The following ZBTB24 variants were observed in gnomAD, a reference collection of about 807,000 sequenced individuals.
The protein encoded by ZBTB24 is zinc finger and BTB domain-containing protein 24.
Under a neutral mutation model 53.8 loss-of-function variants are expected in ZBTB24, and 32 were observed. That is an observed-to-expected ratio of 0.60 (90% CI 0.45 to 0.80). ZBTB24 has a LOEUF of 0.80. Among genes scored for constraint, ZBTB24 ranks in the 30% least tolerant of loss-of-function variants. The pLI is 0.00. For synonymous variants in ZBTB24, 297 were observed against 306.7 expected (o/e 0.97, Z 0.33); for missense variants, 722 against 837.1 (o/e 0.86, Z 1.70).
At chr6:109,482,489 T>G (rs1412491212) in intron 1 of ZBTB24, among the ~76,000 whole-genome samples, 1 of 141,598 alleles carries the variant, frequency 7.1e-6, no homozygotes, top group South Asian at 2.4e-4. Flanking sequence ...CAAAACAACT[T>G]AGCTCGCGGT....
rs1776010683 is a variant in ZBTB24, at chr6:109,465,464, T to A, written c.*387A>T. The A allele has an allele frequency of 4.9e-6, 3 of 611,856 alleles. No individual in the cohort carries two copies. The highest frequency in any genetic ancestry group is 8.5e-6 in the Non-Finnish European group (3 of 353,664). The allele number at this position is 611,856 out of a possible 1,614,324, so 37.9% of individuals were successfully genotyped here. The stretch of plus-strand genomic sequence containing the variant: ...ACCATTCTGCCCAGTTCAACCAAAA[T>A]GACTCCCTTTGTCCTAGAAAACAAA... On this transcript the variant is annotated 3_prime_UTR_variant, in exon 7 of 7. Transcript: ENST00000230122.
chr6:109,466,748 T>G (rs1776052975), intron 6 of ZBTB24, among the ~76,000 whole-genome samples, 174 bp from the exon 7 acceptor site: 1 of 152,192 alleles, frequency 6.6e-6, no homozygotes, highest in African/African-American at 2.4e-5. Flanking sequence ...CATGGGCAGT[T>G]TTTAATCTGA....
chr6:109,479,667 A>T (rs1776356110), intron 2 of ZBTB24, among the ~76,000 whole-genome samples: 1 of 152,234 alleles, frequency 6.6e-6, no homozygotes, highest in Non-Finnish European at 1.5e-5. Context: ...CTGTAATCCC[A>T]GCACTTTGGG....
Position 109,462,793 on chromosome 6 carries a change from G to A in ZBTB24, c.*3058C>T, listed in dbSNP as rs900932858. 2.6e-5 allele frequency: 4 copies of A among 152,158 alleles called. No homozygotes were observed. Among genetic ancestry groups the A allele is most frequent in the African/African-American group, 7.2e-5 (3 of 41,432 alleles). The allele number at this position is 152,158 out of a possible 1,614,324, so 9.4% of individuals were successfully genotyped here. On this transcript the variant is annotated 3_prime_UTR_variant, in exon 7 of 7. Transcript: ENST00000230122. ...AAAACCAAAGATTCACCTTCAAAAC[G>A]AGGTGTTTCAGGAGCCCCAAAGCAT...
At chr6:109,482,353 C>T (rs1455854833) in intron 1 of ZBTB24, among the ~76,000 whole-genome samples, 1 of 152,064 alleles carries the variant, frequency 6.6e-6, no homozygotes, top group African/African-American at 2.4e-5. Context: ...GTGGTCCCAG[C>T]TACTCAGGAG....
intron 1 of ZBTB24, 65 bp downstream of exon 1, chr6:109,483,033 G>C (rs1448032101): frequency 6.6e-6 from 1 of 152,180 alleles, no homozygotes; most frequent in African/African-American, 2.4e-5. Flanking sequence ...CGGCGGGGGA[G>C]GGGTCGGCGC....
At chr6:109,478,002 C>A (rs1776315890) in intron 2 of ZBTB24, among the ~76,000 whole-genome samples, 1 of 152,142 alleles carries the variant, frequency 6.6e-6, no homozygotes, top group Admixed American at 6.5e-5. Context: ...AAAGCCAGTG[C>A]CCTTAAACAA....
In ZBTB24 at chr6:109,464,070, T is replaced by C. The variant is rs1244992550; in HGVS notation, c.*1781A>G. On this transcript the variant is annotated 3_prime_UTR_variant, in exon 7 of 7. Transcript: ENST00000230122. ...ATGTGGATTGGTGGGCTTTGAAAAG[T>C]TGGTAAAAACTTTGTGTTTTAAGAA... 6.6e-6 allele frequency: 1 copy of C among 152,176 alleles called. No individual in the cohort carries two copies. Among genetic ancestry groups the C allele is most frequent in the Admixed American group, 6.5e-5 (1 of 15,278 alleles). The allele number at this position is 152,176 out of a possible 1,614,324, so 9.4% of individuals were successfully genotyped here.
rs147284564 is a variant in ZBTB24 at position 109,478,902 on chromosome 6, T to C, written c.953-1972A>G. Among the ~76,000 whole-genome samples the C allele has an allele frequency of 2.3e-3, 343 of 150,850 alleles. 2 individuals are homozygous for C. Among genetic ancestry groups the C allele is most frequent in the African/African-American group, 7.9e-3 (325 of 41,130 alleles). On this transcript the variant is annotated intron_variant, in intron 2 of 6. Transcript: ENST00000230122. ...CATTAACATGCTCATAGAGGTAAGA[T>C]AATACATTGTGAAATAAAAAGATCA... is the stretch of plus-strand genomic sequence containing the variant.
chr6:109,468,755 T>C (rs1414240603), intron 5 of ZBTB24, among the ~76,000 whole-genome samples: 1 of 152,100 alleles, frequency 6.6e-6, no homozygotes, highest in Non-Finnish European at 1.5e-5. Flanking sequence ...ATGAACTTCA[T>C]GGGAGTGGCA....
Position 109,466,458 on chromosome 6 carries a change from TTACAC to T in ZBTB24, c.1482_1486del (p.Cys495LeufsTer17). The T allele has an allele frequency of 6.2e-7, 1 of 1,614,220 alleles. No homozygotes were observed. Among genetic ancestry groups the T allele is most frequent in the Non-Finnish European group, 8.5e-7 (1 of 1,180,046 alleles). On this transcript the variant is annotated frameshift_variant, in exon 7 of 7. Coordinates refer to ENST00000230122, the MANE Select transcript of ZBTB24 (RefSeq NM_014797.3). LOFTEE classifies it high-confidence loss of function. ...GTTGTCTAAGCGAGCAAACTGTAAGTTACACTCAGGGCAGGAGAAAGGCTTCTTGC... is the reference window on the plus strand; with the variant it reads ...GTTGTCTAAGCGAGCAAACTGTAAGTTCAGGGCAGGAGAAAGGCTTCTTGC...
Position 109,465,656 on chromosome 6 carries a change from A to G in ZBTB24, c.*195T>C. On this transcript the variant is annotated 3_prime_UTR_variant, in exon 7 of 7. Coordinates refer to ENST00000230122, the MANE Select transcript of ZBTB24 (RefSeq NM_014797.3). ...AATAATATTGAAATGCTCAATACAAATCAGTACCTTAGACAAGACATACAC... is the reference window on the plus strand; with the variant it reads ...AATAATATTGAAATGCTCAATACAAGTCAGTACCTTAGACAAGACATACAC... 1 of 1,567,556 alleles carries G rather than the reference A, an allele frequency of 6.4e-7. No homozygotes were observed. Among genetic ancestry groups the G allele is most frequent in the Admixed American group, 1.9e-5 (1 of 53,304 alleles).
At position 109,481,071 on chromosome 6, in the gene ZBTB24, T is replaced by C; in HGVS notation, c.952+4A>G. On this transcript the variant is annotated splice_donor_region_variant and intron_variant, in intron 2 of 6. Transcript: ENST00000230122. ...ACTGCAATCAGCTTTGAAAACATCA[T>C]TACCTGTGTGGCTCCTCTGGTGGAT... The C allele has an allele frequency of 6.2e-7, 1 of 1,613,862 alleles. No individual in the cohort carries two copies. The highest frequency in any genetic ancestry group is 8.5e-7 in the Non-Finnish European group (1 of 1,179,750).
intron 5 of ZBTB24, among the ~76,000 whole-genome samples, chr6:109,473,897 TA>T (rs1199551189): frequency 1.3e-5 from 2 of 151,474 alleles, no homozygotes; most frequent in Admixed American, 1.3e-4. Flanking sequence ...CCAGCCTGGC[TA>T]ACATGCCAAA....
chr6:109,476,024 A>C (rs529116598), intron 4 of ZBTB24, 151 bp downstream of exon 4: 11 of 763,258 alleles, frequency 1.4e-5, no homozygotes, highest in African/African-American at 5.3e-5. Flanking sequence ...TAACATAAAA[A>C]CATGTAATTT....
chr6:109,470,649 G>A (rs535305081), intron 5 of ZBTB24, among the ~76,000 whole-genome samples: 1 of 152,296 alleles, frequency 6.6e-6, no homozygotes, highest in East Asian at 1.9e-4. Context: ...AGTTCCGTCC[G>A]TGTGGACCCC....
At chr6:109,482,625 T>G (rs1393680862) in intron 1 of ZBTB24, among the ~76,000 whole-genome samples, 1 of 151,444 alleles carries the variant, frequency 6.6e-6, no homozygotes, top group African/African-American at 2.4e-5. Flanking sequence ...CTGCCGCACA[T>G]TAACTAGCTG....
chr6:109,478,777 A>C (rs1776333290), intron 2 of ZBTB24, among the ~76,000 whole-genome samples: 1 of 152,098 alleles, frequency 6.6e-6, no homozygotes, highest in Admixed American at 6.5e-5. Flanking sequence ...TTAAAAAAAA[A>C]ACACCAGGCA....
intron 2 of ZBTB24, 80 bp from the exon 3 acceptor site, chr6:109,477,010 A>C: frequency 6.5e-7 from 1 of 1,543,170 alleles, no homozygotes; most frequent in Non-Finnish European, 8.8e-7. Flanking sequence ...AAAAACAATA[A>C]AGGATTTTTC....
Sources: allele counts gnomAD v4.1 joint callset (sites outside exome capture counted in the v4.1 genomes callset), GRCh38; gene constraint gnomAD v4.1.1; transcripts MANE v1.5; gene names NCBI Gene and HGNC (gene_info 2026-07-23, HGNC 2026-07-21).